The following DOCK8 variants were observed in gnomAD, a reference collection of about 807,000 sequenced individuals.
The protein encoded by DOCK8 is dedicator of cytokinesis protein 8.
A neutral mutation model predicts 245.6 loss-of-function variants in DOCK8; 141 were observed. That is an observed-to-expected ratio of 0.57 (90% CI 0.50 to 0.66). The LOEUF (loss-of-function observed/expected upper bound fraction) is 0.66. Among genes scored for constraint, DOCK8 ranks in the 30% least tolerant of loss-of-function variants. DOCK8 has a pLI of 0.00. For missense variants in DOCK8, 2,965 were observed against 2,603.4 expected (o/e 1.14, Z -3.02); for synonymous variants, 1,168 against 970.2 (o/e 1.20, Z -3.79).
intron 30 of DOCK8, among the ~76,000 whole-genome samples, chr9:419,504 G>A (rs546387756): frequency 1.3e-5 from 2 of 152,330 alleles, no homozygotes. Flanking sequence ...CATAGTCCTT[G>A]TGAGGTTGTA....
At chr9:430,738 A>G (rs2056677452) in intron 36 of DOCK8, among the ~76,000 whole-genome samples, 1 of 152,170 alleles carries the variant, frequency 6.6e-6, no homozygotes, top group Admixed American at 6.5e-5. Flanking sequence ...GTGGGGGAAA[A>G]AATACAATAG....
In DOCK8 at chr9:406,981, G is replaced by A. The variant is rs767147947; in HGVS notation, c.3442G>A (p.Asp1148Asn). Residue 1148 changes from aspartate (D) to asparagine (N), a missense_variant, in exon 28 of 48, where the codon GAT becomes AAT. Asp to Asn is a conservative substitution (Grantham distance 23). Around this residue, in one of 3 missense-constraint regions of DOCK8, gnomAD observed 2,825 missense variants for 2,453.5 expected, o/e 1.15. Transcript: ENST00000432829. ...GGACCAGAAGATCGCCAGCATGTTC[G>A]ATCTGACTTCCGAGTACCGCCAGCA... ...FQDQKIASMF[D>N]LTSEYRQQHF... 96 of 1,613,930 alleles carry A rather than the reference G, an allele frequency of 5.9e-5. No homozygotes were observed. Among genetic ancestry groups the A allele is most frequent in the Non-Finnish European group, 7.8e-5 (92 of 1,180,018 alleles).
intron 26 of DOCK8, among the ~76,000 whole-genome samples, chr9:401,759 A>C (rs998165912): frequency 1.3e-5 from 2 of 152,178 alleles, no homozygotes; most frequent in Non-Finnish European, 2.9e-5. Context: ...TCCTCCAAAA[A>C]AAGAAAAAGA....
rs117350404 is a variant in DOCK8, at chr9:407,069, G to C, written c.3530G>C (p.Gly1177Ala). The change falls in exon 28 of 48, where the codon GGA becomes GCA. Residue 1177 changes from glycine (G) to alanine (A), a missense_variant and splice_region_variant. By Grantham distance (60) the Gly-to-Ala change is moderately conservative. Around this residue, in one of 3 missense-constraint regions of DOCK8, gnomAD observed 2,825 missense variants for 2,453.5 expected, o/e 1.15. Coordinates refer to ENST00000432829, the MANE Select transcript of DOCK8 (RefSeq NM_203447.4). ...GCTGCCCTGGATGCCGAAGGGGAAG[G>C]GTATGTTTCTGGCATTTAAAATGGA... Reference protein sequence around the residue: ...LAAALDAEGEGISKVQRKAVS... With the variant: ...LAAALDAEGEAISKVQRKAVS... 2 of 1,613,836 alleles carry C rather than the reference G, an allele frequency of 1.2e-6. No homozygotes were observed. Among genetic ancestry groups the C allele is most frequent in the African/African-American group, 2.7e-5 (2 of 74,872 alleles).
chr9:242,824 TC>T (rs2047406835), intron 1 of DOCK8, among the ~76,000 whole-genome samples: 1 of 151,624 alleles, frequency 6.6e-6, no homozygotes, highest in South Asian at 2.1e-4. Context: ...TTTTTTTTTT[TC>T]CATATGCCAT....
In DOCK8 at chr9:334,348, C is replaced by A; in HGVS notation, c.1249C>A (p.Leu417Ile). 1 of 1,614,120 alleles carries A rather than the reference C, an allele frequency of 6.2e-7. No homozygotes were observed. Among genetic ancestry groups the A allele is most frequent in the Non-Finnish European group, 8.5e-7 (1 of 1,179,984 alleles). The change falls in exon 11 of 48, where the codon CTT becomes ATT. Residue 417 changes from leucine (L) to isoleucine (I), a missense_variant. Coordinates refer to ENST00000432829, the MANE Select transcript of DOCK8 (RefSeq NM_203447.4). ...SLSSFFNVST[L>I]EREVTDVDSV... The stretch of plus-strand genomic sequence containing the variant: ...ATCAAGCTTCTTCAATGTCTCCACC[C>A]TTGAGAGGGAGGTAACTGATGTGGA...
At chr9:385,556 A>G (rs570598231) in intron 22 of DOCK8, among the ~76,000 whole-genome samples, 15 of 152,356 alleles carry the variant, frequency 9.8e-5, no homozygotes, top group Non-Finnish European at 2.1e-4. Context: ...TGGAAATATT[A>G]TATAATGGTT....
At chr9:305,104 G>C (rs2049757252) in intron 5 of DOCK8, among the ~76,000 whole-genome samples, 1 of 151,952 alleles carries the variant, frequency 6.6e-6, no homozygotes, top group Non-Finnish European at 1.5e-5. Flanking sequence ...ACTTCAAGCA[G>C]GATAATTAAA....
intron 46 of DOCK8, among the ~76,000 whole-genome samples, chr9:463,002 T>C (rs183068352): frequency 3.9e-5 from 6 of 152,326 alleles, no homozygotes; most frequent in Admixed American, 6.5e-5. Context: ...ATAATGCATG[T>C]AAAACTTCTT....
At chr9:325,821 G>C in intron 8 of DOCK8, 84 bp downstream of exon 8, 1 of 1,244,424 alleles carries the variant, frequency 8.0e-7, no homozygotes, top group South Asian at 1.2e-5. Flanking sequence ...TTTCTTTGCA[G>C]CAAGAACCTA....
At chr9:403,918 A>ATATATGTG (rs2055256593) in intron 26 of DOCK8, among the ~76,000 whole-genome samples, 2 of 75,246 alleles carry the variant, frequency 2.7e-5, no homozygotes, top group Admixed American at 2.9e-4. Context: ...ATATATATAC[A>ATATATGTG]TATATATATA....
chr9:450,768 C>G (rs902312444), intron 45 of DOCK8, among the ~76,000 whole-genome samples: 3 of 150,862 alleles, frequency 2.0e-5, no homozygotes, highest in Admixed American at 1.3e-4. Flanking sequence ...AGTGCCAATC[C>G]TTTGATAAAA....
intron 2 of DOCK8, among the ~76,000 whole-genome samples, chr9:282,141 G>T (rs1030164810): frequency 6.6e-6 from 1 of 152,168 alleles, no homozygotes; most frequent in African/African-American, 2.4e-5. Flanking sequence ...GTGTGAGAAA[G>T]TTGCACATTT....
intron 46 of DOCK8, chr9:460,361 A>G (rs1423038932): frequency 1.3e-5 from 2 of 152,176 alleles, no homozygotes; most frequent in Non-Finnish European, 2.9e-5. Context: ...GACTTCCCCA[A>G]ATTAGCTGTT....
intron 1 of DOCK8, among the ~76,000 whole-genome samples, chr9:249,105 G>C (rs559148098): frequency 2.6e-5 from 4 of 152,200 alleles, no homozygotes; most frequent in African/African-American, 7.2e-5. Flanking sequence ...CCCTCACCTG[G>C]GACTGCATAT....
At chr9:408,887 C>T (rs1002123138) in intron 28 of DOCK8, among the ~76,000 whole-genome samples, 5 of 127,764 alleles carry the variant, frequency 3.9e-5, no homozygotes, top group Admixed American at 8.1e-5. Flanking sequence ...CACACACACA[C>T]GCACACACGC....
At chr9:371,949 G>A (rs1309563594) in intron 17 of DOCK8, among the ~76,000 whole-genome samples, 1 of 151,912 alleles carries the variant, frequency 6.6e-6, no homozygotes, top group Non-Finnish European at 1.5e-5. Context: ...ACAAACATTG[G>A]CTACAGAGAA....
At position 240,567 on chromosome 9, in the gene DOCK8, A is replaced by G. The variant is rs543197115; in HGVS notation, c.53+25538A>G. ...AAGTATAAGGTCACCTAGAAGAGCT[A>G]TTAATGTATTATGGACAATTTCTTT... On this transcript the variant is annotated intron_variant, in intron 1 of 47. Transcript: ENST00000432829. Among the ~76,000 whole-genome samples the G allele has an allele frequency of 7.9e-5, 12 of 152,310 alleles. No individual in the cohort carries two copies. The South Asian group carries it at 2.5e-3, about 32-fold the overall frequency.
chr9:298,682 G>T (rs2049384147), intron 4 of DOCK8, among the ~76,000 whole-genome samples: 1 of 151,330 alleles, frequency 6.6e-6, no homozygotes, highest in Non-Finnish European at 1.5e-5. Context: ...ATGTTCCTTT[G>T]TAAGTAAACA....
Sources: allele counts gnomAD v4.1 joint callset (sites outside exome capture counted in the v4.1 genomes callset), GRCh38; gene constraint gnomAD v4.1.1; regional missense constraint gnomAD v4.1.1; transcripts MANE v1.5; gene names NCBI Gene and HGNC (gene_info 2026-07-23, HGNC 2026-07-21).